ADAMTS16: variants seen among roughly 807,000 people sequenced by gnomAD.
The protein encoded by ADAMTS16 is ADAM metallopeptidase with thrombospondin type 1 motif 16, also known as A disintegrin and metalloproteinase with thrombospondin motifs 16.
Under a neutral mutation model 145.8 loss-of-function variants are expected in ADAMTS16, and 94 were observed. The observed-to-expected ratio is 0.64, with a 90% confidence interval of 0.55 to 0.77. The LOEUF (loss-of-function observed/expected upper bound fraction) is 0.77. ADAMTS16 is among the 30% of genes least tolerant of loss of function. The probability of loss-of-function intolerance (pLI) is 0.00; values close to 1 mark genes in which losing one functional copy is unlikely to be tolerated. For synonymous variants in ADAMTS16, 659 were observed against 604.3 expected, an observed-to-expected ratio of 1.09 and a Z score of -1.33; for missense variants, 1,585 against 1,591.5, an observed-to-expected ratio of 1.00 and a Z score of 0.07.
chr5:5,241,700 G>T (rs970148387), intron 16 of ADAMTS16, among the ~76,000 whole-genome samples: 16 of 152,210 alleles, frequency 1.1e-4, no homozygotes, highest in African/African-American at 1.9e-4. Flanking sequence ...TTGTTAGGAT[G>T]TATCAGATTA....
intron 18 of ADAMTS16, among the ~76,000 whole-genome samples, chr5:5,266,470 T>C (rs1364157171): frequency 6.6e-6 from 1 of 152,234 alleles, no homozygotes. Context: ...AGGACGGGCC[T>C]CCGCCCTACC....
chr5:5,202,173 G>A (rs761349229), intron 9 of ADAMTS16, among the ~76,000 whole-genome samples: 1 of 151,992 alleles, frequency 6.6e-6, no homozygotes, highest in Non-Finnish European at 1.5e-5. Flanking sequence ...CCAGGATTTT[G>A]ATCATCAGCC....
chr5:5,280,034 G>C (rs1738843844), intron 18 of ADAMTS16, among the ~76,000 whole-genome samples: 1 of 136,920 alleles, frequency 7.3e-6, no homozygotes, highest in Non-Finnish European at 1.6e-5. Context: ...CTTCTGTAAA[G>C]TATTTTTATC....
chr5:5,280,623 T>C (rs1043225526), intron 18 of ADAMTS16, among the ~76,000 whole-genome samples: 11 of 152,164 alleles, frequency 7.2e-5, no homozygotes, highest in African/African-American at 1.9e-4. Context: ...TTCCTTAGAA[T>C]TGGGGATGGT....
intron 18 of ADAMTS16, among the ~76,000 whole-genome samples, chr5:5,278,571 T>C (rs1738784692): frequency 6.6e-6 from 1 of 152,370 alleles, no homozygotes; most frequent in East Asian, 1.9e-4. Flanking sequence ...TTTTGTTTGC[T>C]TAGGTTTGTT....
chr5:5,237,598 C>T (rs1737147113), intron 14 of ADAMTS16, among the ~76,000 whole-genome samples: 1 of 152,088 alleles, frequency 6.6e-6, no homozygotes, highest in South Asian at 2.1e-4. Context: ...ATCCTGTGTC[C>T]ATGTAGATAG....
intron 18 of ADAMTS16, among the ~76,000 whole-genome samples, chr5:5,280,136 A>T (rs1431994691): frequency 6.6e-6 from 1 of 152,214 alleles, no homozygotes; most frequent in African/African-American, 2.4e-5. Flanking sequence ...ATAAATATCT[A>T]ATAATCCTGA....
chr5:5,182,717 C>T lies in ADAMTS16; in HGVS notation c.763+412C>T, dbSNP rs576726393. Among the ~76,000 whole-genome samples, 8 of 152,280 alleles carry T rather than the reference C, an allele frequency of 5.3e-5. No individual in the cohort carries two copies. In the South Asian group the frequency reaches 1.7e-3, roughly 32 times the overall value. ...ATATGCATGCTTATATACATTACCACATCAAAAGGGCAGACTCAGTGTGAC... is the reference window on the plus strand; with the variant it reads ...ATATGCATGCTTATATACATTACCATATCAAAAGGGCAGACTCAGTGTGAC... On this transcript the variant is annotated intron_variant, in intron 4 of 22. Coordinates refer to ENST00000274181, the MANE Select transcript of ADAMTS16 (RefSeq NM_139056.4).
chr5:5,281,701 A>C (rs756417115), intron 18 of ADAMTS16, among the ~76,000 whole-genome samples: 1 of 152,114 alleles, frequency 6.6e-6, no homozygotes, highest in Non-Finnish European at 1.5e-5. Context: ...GGAGTTGGCC[A>C]CTGGGGATTG....
intron 11 of ADAMTS16, among the ~76,000 whole-genome samples, chr5:5,227,535 GTGTGTGTGTGTGTC>G (rs757953687): frequency 0.027 from 3,119 of 115,636 alleles, 116 homozygotes; most frequent in African/African-American, 0.1. Flanking sequence ...GTGTGTGTGT[GTGTGTGTGTGTGTC>G]TCTACATGCA....
At position 5,201,277 on chromosome 5, in the gene ADAMTS16, C is replaced by A. The variant is rs75898918; in HGVS notation, c.1451+1008C>A. On this transcript the variant is annotated intron_variant, in intron 9 of 22. Transcript: ENST00000274181. ...AGGGGCATTGAGAAATGTCCTCTAC[C>A]CATGTGCTCAGGTGACAGAGAGCCA... is the stretch of plus-strand genomic sequence containing the variant. Among the ~76,000 whole-genome samples the A allele has an allele frequency of 5.0e-3, 762 of 152,136 alleles. 9 individuals are homozygous for A. The highest frequency in any genetic ancestry group is 0.024 in the East Asian group (124 of 5,174).
At chr5:5,155,238 A>G (rs1334721600) in intron 3 of ADAMTS16, among the ~76,000 whole-genome samples, 6 of 151,710 alleles carry the variant, frequency 4.0e-5, no homozygotes, top group Non-Finnish European at 8.8e-5. Flanking sequence ...GAAGTCCACA[A>G]GGAACAGATA....
At chr5:5,263,772 C>T (rs571802381) in intron 18 of ADAMTS16, among the ~76,000 whole-genome samples, 3 of 152,168 alleles carry the variant, frequency 2.0e-5, no homozygotes, top group African/African-American at 2.4e-5. Context: ...GAGGTGTGTT[C>T]GCAGCTCAGT....
In ADAMTS16 at chr5:5,239,237, T is replaced by C; in HGVS notation, c.2241T>C (p.Ile747=). 1 of 1,600,062 alleles carries C rather than the reference T, an allele frequency of 6.2e-7. No individual in the cohort carries two copies. The change falls in exon 15 of 23, where the codon ATT becomes ATC. Residue 747 remains isoleucine (I), a synonymous_variant. Transcript: ENST00000274181. ...ACGGGAATAACTCAGCCTGCACGATTCACAGGGGTCTCTACACCAAGCACC... is the reference window on the plus strand; with the variant it reads ...ACGGGAATAACTCAGCCTGCACGATCCACAGGGGTCTCTACACCAAGCACC... ...VCNGNNSACT[I]HRGLYTKHHH...
At chr5:5,215,976 A>G (rs748378763) in intron 10 of ADAMTS16, among the ~76,000 whole-genome samples, 31 of 145,020 alleles carry the variant, frequency 2.1e-4, no homozygotes, top group Non-Finnish European at 3.4e-4. Flanking sequence ...CAATTTTGCA[A>G]TTGTAAATTG....
intron 18 of ADAMTS16, among the ~76,000 whole-genome samples, chr5:5,275,593 C>T (rs1006876568): frequency 3.3e-5 from 5 of 151,958 alleles, no homozygotes; most frequent in African/African-American, 1.2e-4. Flanking sequence ...TTTAAAATTC[C>T]ACTTTGTATT....
chr5:5,229,003 A>G (rs60422101), intron 11 of ADAMTS16, among the ~76,000 whole-genome samples: 26,430 of 152,166 alleles, frequency 0.17, 2,393 homozygotes, highest in Middle Eastern at 0.24. Context: ...GCCTCTTTTA[A>G]GAAGTTCTAA....
chr5:5,179,728 A>C (rs1302726277), intron 3 of ADAMTS16, among the ~76,000 whole-genome samples: 2 of 152,304 alleles, frequency 1.3e-5, no homozygotes, highest in Non-Finnish European at 2.9e-5. Flanking sequence ...CCTCTCCCTC[A>C]ATCCTGGGCA....
intron 18 of ADAMTS16, among the ~76,000 whole-genome samples, chr5:5,283,480 C>G (rs968240274): frequency 1.3e-5 from 2 of 152,122 alleles, no homozygotes; most frequent in South Asian, 4.2e-4. Flanking sequence ...CCACCTCCCC[C>G]CCAGAAAGCC....
Sources: gnomAD v4.1 joint callset for allele counts (sites outside exome capture counted in the v4.1 genomes callset) on GRCh38, gnomAD v4.1.1 for gene constraint, MANE v1.5 for transcripts, NCBI Gene and HGNC (gene_info 2026-07-23, HGNC 2026-07-21) for gene names.